Variants in TENM2 observed in about 807,000 individuals in gnomAD.
The protein encoded by TENM2 is teneurin transmembrane protein 2, also known as teneurin-2.
In TENM2, 52 loss-of-function variants were observed where a neutral mutation model predicts 245.2. The observed-to-expected ratio is 0.21, with a 90% CI of 0.17 to 0.27. TENM2 has a LOEUF of 0.27. TENM2 is among the 10% of genes least tolerant of loss of function. TENM2 has a pLI of 1.00. For missense variants in TENM2, 3,046 were observed against 3,666.8 expected (o/e 0.83, Z 4.37); for synonymous variants, 1,363 against 1,438.9 (o/e 0.95, Z 1.19).
rs530060130 is a variant in TENM2 at position 168,120,127 on chromosome 5, A to G, written c.2008+1641A>G. 1.8e-4 allele frequency among the ~76,000 whole-genome samples: 28 copies of G among 152,288 alleles called. No homozygotes were observed. The South Asian group carries it at 3.3e-3, about 18-fold the overall frequency. On this transcript the variant is annotated intron_variant, in intron 10 of 28. Transcript: ENST00000518659. The stretch of plus-strand genomic sequence containing the variant: ...ATCGTTTTTAGAACTATGGCTACCA[A>G]AAGTCAGCTTCCATAACATTATTCC...
At chr5:167,113,238 G>A in the TENM2 span, among the ~76,000 whole-genome samples, 2 of 152,172 alleles carry the variant, frequency 1.3e-5, no homozygotes, top group Non-Finnish European at 1.5e-5. Context: ...GAGAAAAGGA[G>A]TGAGAGCTGC....
the TENM2 span, among the ~76,000 whole-genome samples, chr5:167,025,362 T>G: frequency 1.3e-5 from 2 of 152,286 alleles, no homozygotes; most frequent in South Asian, 4.1e-4. Context: ...TGATATACAT[T>G]TGGAGTGTAC....
chr5:167,071,092 G>A, the TENM2 span, among the ~76,000 whole-genome samples: 4 of 152,090 alleles, frequency 2.6e-5, no homozygotes, highest in Admixed American at 6.6e-5. Context: ...GGGAAGGCAC[G>A]CAAGCCCTGT....
chr5:167,694,032 G>T (rs897445117), intron 2 of TENM2, among the ~76,000 whole-genome samples: 1 of 152,174 alleles, frequency 6.6e-6, no homozygotes, highest in African/African-American at 2.4e-5. Context: ...ACTTATCTAA[G>T]ATTTTTAGAA....
intron 2 of TENM2, among the ~76,000 whole-genome samples, chr5:167,582,075 C>A (rs1323812160): frequency 6.6e-6 from 1 of 152,028 alleles, no homozygotes; most frequent in East Asian, 1.9e-4. Context: ...AATCTTGTCC[C>A]AACTAAACAT....
chr5:167,954,432 T>C (rs1011231180), intron 4 of TENM2, among the ~76,000 whole-genome samples: 12 of 152,278 alleles, frequency 7.9e-5, no homozygotes, highest in Admixed American at 2.6e-4. Flanking sequence ...AACATTCCAA[T>C]TGAGGAATGA....
At chr5:167,309,048 G>A (rs1031405931) in intron 1 of TENM2, among the ~76,000 whole-genome samples, 1 of 150,098 alleles carries the variant, frequency 6.7e-6, no homozygotes, top group African/African-American at 2.5e-5. Context: ...GTGTGTGTTT[G>A]GTGGGGTGGG....
chr5:168,175,931 T>C (rs1282065234), intron 13 of TENM2, among the ~76,000 whole-genome samples: 1 of 152,166 alleles, frequency 6.6e-6, no homozygotes, highest in Non-Finnish European at 1.5e-5. Flanking sequence ...GCAACACTAA[T>C]ATCATCACTA....
intron 2 of TENM2, among the ~76,000 whole-genome samples, chr5:167,648,190 A>G (rs372948948): frequency 7.8e-4 from 119 of 152,342 alleles, no homozygotes; most frequent in African/African-American, 2.7e-3. Context: ...ACAGAGACTG[A>G]CCAGCTTTGT....
At chr5:167,489,383 A>G (rs1019921771) in intron 2 of TENM2, among the ~76,000 whole-genome samples, 7 of 151,792 alleles carry the variant, frequency 4.6e-5, no homozygotes, top group African/African-American at 1.7e-4. Context: ...CTCCAATCCT[A>G]TGTTACTTTC....
At chr5:167,868,150 G>A (rs1331790374) in intron 2 of TENM2, among the ~76,000 whole-genome samples, 2 of 152,068 alleles carry the variant, frequency 1.3e-5, no homozygotes, top group Non-Finnish European at 2.9e-5. Context: ...ATTCTGTGTT[G>A]TGGGAAGTTG....
chr5:167,924,300 G>A (rs1408810537), intron 3 of TENM2, among the ~76,000 whole-genome samples: 1 of 152,176 alleles, frequency 6.6e-6, no homozygotes, highest in Non-Finnish European at 1.5e-5. Flanking sequence ...TCAGTGTCGT[G>A]GGGACCAGCT....
At chr5:167,486,987 A>T (rs374099721) in intron 2 of TENM2, among the ~76,000 whole-genome samples, 2 of 152,332 alleles carry the variant, frequency 1.3e-5, no homozygotes, top group African/African-American at 4.8e-5. Flanking sequence ...ATATGTACAT[A>T]CATAAATATC....
At chr5:167,760,443 C>G (rs1351223470) in intron 2 of TENM2, among the ~76,000 whole-genome samples, 1 of 152,084 alleles carries the variant, frequency 6.6e-6, no homozygotes, top group South Asian at 2.1e-4. Context: ...AGACTTAGGC[C>G]CTAACATCCA....
intron 2 of TENM2, among the ~76,000 whole-genome samples, chr5:167,487,417 G>C (rs1218562810): frequency 3.9e-5 from 6 of 152,110 alleles, no homozygotes; most frequent in African/African-American, 1.4e-4. Flanking sequence ...ATTTGTGTGT[G>C]TATGCTTGTA....
intron 5 of TENM2, among the ~76,000 whole-genome samples, chr5:168,040,706 C>G (rs1210007120): frequency 6.6e-6 from 1 of 152,176 alleles, no homozygotes; most frequent in Non-Finnish European, 1.5e-5. Flanking sequence ...TTCTTTCAGG[C>G]TGAAGGTAAT....
chr5:168,060,199 G>A (rs1022354489), intron 6 of TENM2, among the ~76,000 whole-genome samples: 22 of 151,474 alleles, frequency 1.5e-4, no homozygotes, highest in African/African-American at 2.4e-4. Context: ...ACCAGTGCCT[G>A]GGCAACATAG....
At chr5:168,145,544 C>T (rs1755980127) in intron 12 of TENM2, among the ~76,000 whole-genome samples, 1 of 146,802 alleles carries the variant, frequency 6.8e-6, no homozygotes, top group Non-Finnish European at 1.5e-5. Context: ...ATCTATATCT[C>T]TGTTTTGGTA....
chr5:167,101,593 G>A, the TENM2 span, among the ~76,000 whole-genome samples: 1 of 151,636 alleles, frequency 6.6e-6, no homozygotes, highest in Non-Finnish European at 1.5e-5. Context: ...ATAGAATGCA[G>A]TACAAACGGC....
Sources: allele counts gnomAD v4.1 joint callset (sites outside exome capture counted in the v4.1 genomes callset), GRCh38; gene constraint gnomAD v4.1.1; transcripts MANE v1.5; gene names NCBI Gene and HGNC (gene_info 2026-07-23, HGNC 2026-07-21).